The following SCGN variants were observed in gnomAD, a reference collection of about 807,000 sequenced individuals.
The protein encoded by SCGN is secretagogin.
A neutral mutation model predicts 39.7 loss-of-function variants in SCGN; 30 were observed. The ratio of observed to expected loss-of-function variants is 0.76; its 90% CI spans 0.57 to 1.03. The LOEUF (loss-of-function observed/expected upper bound fraction) is 1.03, where lower values mean the gene tolerates loss of function less well. SCGN is among the 50% of genes least tolerant of loss of function. The pLI is 0.00. For missense variants in SCGN, 353 were observed against 349.4 expected, an observed-to-expected ratio of 1.01 and a Z score of -0.08; for synonymous variants, 106 against 114.1, an observed-to-expected ratio of 0.93 and a Z score of 0.45.
Position 25,652,505 on chromosome 6 carries a change from T to C in SCGN, c.82+20T>C. 1 of 1,611,032 alleles carries C rather than the reference T, an allele frequency of 6.2e-7. No individual in the cohort carries two copies. Among genetic ancestry groups the C allele is most frequent in the Non-Finnish European group, 8.5e-7 (1 of 1,177,638 alleles). On this transcript the variant is annotated intron_variant, in intron 1 of 10. Coordinates refer to ENST00000377961, the MANE Select transcript of SCGN (RefSeq NM_006998.4). ...CGGATGGTGAGTAGAACAAGCCACT[T>C]GCACACTCAGGTGTAGACGTGGCTC...
At chr6:25,676,302 T>C (rs1254922406) in intron 6 of SCGN, among the ~76,000 whole-genome samples, 1 of 152,228 alleles carries the variant, frequency 6.6e-6, no homozygotes, top group Non-Finnish European at 1.5e-5. Flanking sequence ...CCTGTTATAC[T>C]GAGTCGGATT....
At chr6:25,696,438 T>C (rs1759838837) in intron 10 of SCGN, among the ~76,000 whole-genome samples, 1 of 152,152 alleles carries the variant, frequency 6.6e-6, no homozygotes, top group Admixed American at 6.5e-5. Flanking sequence ...TAACAGTCAT[T>C]CAGTAACCAC....
At chr6:25,698,772 C>T (rs1394038886) in intron 10 of SCGN, among the ~76,000 whole-genome samples, 1 of 152,146 alleles carries the variant, frequency 6.6e-6, no homozygotes, top group Admixed American at 6.5e-5. Flanking sequence ...TGAAGTTGAT[C>T]AAGTTTATCT....
intron 9 of SCGN, among the ~76,000 whole-genome samples, chr6:25,690,687 G>A (rs1759763588): frequency 2.6e-5 from 4 of 151,970 alleles, no homozygotes; most frequent in African/African-American, 9.7e-5. Flanking sequence ...CAAATTATAG[G>A]GCAAAATAAA....
Position 25,665,023 on chromosome 6 carries a change from G to C in SCGN, c.327G>C (p.Glu109Asp). 1 of 1,613,196 alleles carries C rather than the reference G, an allele frequency of 6.2e-7. No homozygotes were observed. Among genetic ancestry groups the C allele is most frequent in the South Asian group, 1.1e-5 (1 of 91,064 alleles). Residue 109 changes from glutamate (E) to aspartate (D), a missense_variant, in exon 4 of 11, where the codon GAG becomes GAC. Physicochemically the swap from Glu to Asp is conservative, Grantham distance 45. Transcript: ENST00000377961. ...RRENPLDSSV[E>D]FMQIWRKYDA... ...AAAACCCACTGGACAGCAGCGTGGA[G>C]TTTATGCAGGTGAGTGCTTGGTTGT...
chr6:25,683,017 T>C lies in SCGN; in HGVS notation c.527+1011T>C, dbSNP rs574026231. 5.3e-5 allele frequency among the ~76,000 whole-genome samples: 8 copies of C among 152,338 alleles called. No homozygotes were observed. The South Asian group carries it at 1.7e-3, about 32-fold the overall frequency. The stretch of plus-strand genomic sequence containing the variant: ...GTAACAGCCAGAATATTGACCCCAG[T>C]ACACTAAATGGCCTTCTATCTGTGC... On this transcript the variant is annotated intron_variant, in intron 7 of 10. Coordinates refer to ENST00000377961, the MANE Select transcript of SCGN (RefSeq NM_006998.4).
At position 25,701,379 on chromosome 6, in the gene SCGN, C is replaced by G; in HGVS notation, c.*44C>G. On this transcript the variant is annotated 3_prime_UTR_variant, in exon 11 of 11. Coordinates refer to ENST00000377961, the MANE Select transcript of SCGN (RefSeq NM_006998.4). ...TTTGCTCTTACTATGTTTCTGTGAT[C>G]TTGCTGGTAGAATTGTATCTGTGCA... 4 of 1,592,174 alleles carry G rather than the reference C, an allele frequency of 2.5e-6. No individual in the cohort carries two copies. Among genetic ancestry groups the G allele is most frequent in the Non-Finnish European group, 3.4e-6 (4 of 1,169,644 alleles).
At chr6:25,691,770 A>G (rs1313741576) in intron 10 of SCGN, among the ~76,000 whole-genome samples, 1 of 152,162 alleles carries the variant, frequency 6.6e-6, no homozygotes, top group African/African-American at 2.4e-5. Context: ...TGAATTTAGT[A>G]GTCTTGTATC....
chr6:25,701,336 T>C lies in SCGN; in HGVS notation c.*1T>C. The C allele has an allele frequency of 6.2e-7, 1 of 1,611,018 alleles. No homozygotes were observed. The highest frequency in any genetic ancestry group is 8.5e-7 in the Non-Finnish European group (1 of 1,178,802). On this transcript the variant is annotated 3_prime_UTR_variant, in exon 11 of 11. Coordinates refer to ENST00000377961, the MANE Select transcript of SCGN (RefSeq NM_006998.4). Reference sequence around the variant, plus strand: ...TCTTGGGCTGAAAATCAACCCATAATCCCAGACTGCTTTGCCTTTTGCTCT... The same window carrying C: ...TCTTGGGCTGAAAATCAACCCATAACCCCAGACTGCTTTGCCTTTTGCTCT...
intron 2 of SCGN, among the ~76,000 whole-genome samples, chr6:25,658,456 T>C (rs1227938554): frequency 6.6e-6 from 1 of 152,122 alleles, no homozygotes; most frequent in Non-Finnish European, 1.5e-5. Context: ...ATTTTAATCA[T>C]TTTGGGTTTC....
Position 25,691,856 on chromosome 6 carries a change from A to G in SCGN, c.702+732A>G, listed in dbSNP as rs553290519. Among the ~76,000 whole-genome samples the G allele has an allele frequency of 3.3e-5, 5 of 152,340 alleles. No individual in the cohort carries two copies. In the East Asian group the frequency reaches 5.8e-4, roughly 18 times the overall value. Reference sequence around the variant, plus strand: ...GGGCCAGATGGCAAAAAATTAGAGTAGCAATTATGAACTGTGTGTGGAGTT... The same window carrying G: ...GGGCCAGATGGCAAAAAATTAGAGTGGCAATTATGAACTGTGTGTGGAGTT... On this transcript the variant is annotated intron_variant, in intron 10 of 10. Coordinates refer to ENST00000377961, the MANE Select transcript of SCGN (RefSeq NM_006998.4).
At chr6:25,684,526 G>T (rs1055784962) in intron 7 of SCGN, among the ~76,000 whole-genome samples, 7 of 152,206 alleles carry the variant, frequency 4.6e-5, no homozygotes, top group African/African-American at 1.7e-4. Context: ...TGGGTGCAGT[G>T]GCTCACACTT....
At chr6:25,665,815 G>A (rs932365372) in intron 4 of SCGN, among the ~76,000 whole-genome samples, 12 of 151,456 alleles carry the variant, frequency 7.9e-5, no homozygotes, top group African/African-American at 2.9e-4. Context: ...AGTAACTCAG[G>A]AAATGCACAT....
At chr6:25,689,909 CT>C (rs1306539495) in intron 9 of SCGN, among the ~76,000 whole-genome samples, 1 of 152,088 alleles carries the variant, frequency 6.6e-6, no homozygotes, top group African/African-American at 2.4e-5. Context: ...ATCATAAAAA[CT>C]ATTTTTTCTT....
chr6:25,701,529 G>C lies in SCGN; in HGVS notation c.*194G>C. 1 of 565,332 alleles carries C rather than the reference G, an allele frequency of 1.8e-6. No homozygotes were observed. The highest frequency in any genetic ancestry group is 4.1e-4 in the Middle Eastern group (1 of 2,460). The allele number at this position is 565,332 out of a possible 1,614,324, so 35.0% of individuals were successfully genotyped here. On this transcript the variant is annotated 3_prime_UTR_variant, in exon 11 of 11. Coordinates refer to ENST00000377961, the MANE Select transcript of SCGN (RefSeq NM_006998.4). ...CTGTCTCACTGAAAGCCCCTGTGTA[G>C]TGTCTGTGTTGTTTTCCCTTGACCC... is the stretch of plus-strand genomic sequence containing the variant.
intron 9 of SCGN, among the ~76,000 whole-genome samples, chr6:25,690,029 G>C (rs1040394518): frequency 1.3e-5 from 2 of 152,192 alleles, no homozygotes; most frequent in East Asian, 3.8e-4. Context: ...TAAGAAGGAA[G>C]AAAAGTAGAA....
At chr6:25,686,456 G>A (rs527675296) in intron 7 of SCGN, among the ~76,000 whole-genome samples, 32 of 152,112 alleles carry the variant, frequency 2.1e-4, no homozygotes, top group African/African-American at 6.0e-4. Context: ...TTTGCATTTC[G>A]AACATTTTTT....
At position 25,697,400 on chromosome 6, in the gene SCGN, A is replaced by G. The variant is rs73399799; in HGVS notation, c.703-3807A>G. 8.9e-3 allele frequency among the ~76,000 whole-genome samples: 1,360 copies of G among 152,342 alleles called. 17 individuals carry two copies. The highest frequency in any genetic ancestry group is 0.03 in the African/African-American group (1,241 of 41,570). ...TTTTGATTGGTAGAGAATTATTTTA[A>G]GTGGGTTACAATAAAATGCACTTAC... On this transcript the variant is annotated intron_variant, in intron 10 of 10. Coordinates refer to ENST00000377961, the MANE Select transcript of SCGN (RefSeq NM_006998.4).
intron 2 of SCGN, among the ~76,000 whole-genome samples, chr6:25,654,730 C>G (rs1248007572): frequency 2.0e-5 from 3 of 151,938 alleles, no homozygotes; most frequent in Non-Finnish European, 2.9e-5. Flanking sequence ...TTCTTTTCTC[C>G]ACATTTTCTC....
Sources: allele counts gnomAD v4.1 joint callset (sites outside exome capture counted in the v4.1 genomes callset), GRCh38; gene constraint gnomAD v4.1.1; transcripts MANE v1.5; gene names NCBI Gene and HGNC (gene_info 2026-07-23, HGNC 2026-07-21).